Variants in ST8SIA6 observed in about 807,000 individuals in gnomAD.
ST8SIA6 encodes the protein alpha-2,8-sialyltransferase 8F.
Under a neutral mutation model 33.6 loss-of-function variants are expected in ST8SIA6, and 39 were observed. The ratio of observed to expected loss-of-function variants is 1.16; its 90% confidence interval spans 0.90 to 1.52. The LOEUF is 1.52. Ranked by LOEUF, ST8SIA6 falls within the 40% of genes most tolerant of loss-of-function variation. The pLI, the probability that ST8SIA6 is intolerant of heterozygous loss-of-function variation, is 0.00. For missense variants in ST8SIA6, 441 were observed against 443.8 expected, an observed-to-expected ratio of 0.99 and a Z score of 0.06; for synonymous variants, 172 against 167.2, an observed-to-expected ratio of 1.03 and a Z score of -0.22.
At chr10:17,340,532 C>T (rs890057586) in intron 4 of ST8SIA6, among the ~76,000 whole-genome samples, 7 of 152,228 alleles carry the variant, frequency 4.6e-5, no homozygotes, top group African/African-American at 1.7e-4. Flanking sequence ...GTAGGAGCTT[C>T]CTGTGTCAGG....
chr10:17,365,930 C>T (rs1263316756), intron 3 of ST8SIA6, among the ~76,000 whole-genome samples: 1 of 152,094 alleles, frequency 6.6e-6, no homozygotes, highest in Non-Finnish European at 1.5e-5. Context: ...GAGTGATGTT[C>T]TGTGTAGATC....
chr10:17,405,975 G>A (rs1409270263), intron 2 of ST8SIA6, among the ~76,000 whole-genome samples: 1 of 151,774 alleles, frequency 6.6e-6, no homozygotes, highest in Non-Finnish European at 1.5e-5. Context: ...TCTCTTTGAT[G>A]AATTTGATGC....
At chr10:17,451,053 T>A (rs1852893705) in intron 2 of ST8SIA6, among the ~76,000 whole-genome samples, 1 of 152,204 alleles carries the variant, frequency 6.6e-6, no homozygotes, top group Non-Finnish European at 1.5e-5. Flanking sequence ...TTCATCTTGT[T>A]GCTTCGATTT....
At chr10:17,359,181 C>T (rs1003888585) in intron 4 of ST8SIA6, among the ~76,000 whole-genome samples, 4 of 152,102 alleles carry the variant, frequency 2.6e-5, no homozygotes, top group Non-Finnish European at 4.4e-5. Context: ...TACTTTAATA[C>T]GATGACATTT....
At chr10:17,336,391 T>C (rs1564406850) in intron 4 of ST8SIA6, among the ~76,000 whole-genome samples, 1 of 152,208 alleles carries the variant, frequency 6.6e-6, no homozygotes, top group South Asian at 2.1e-4. Context: ...ATTTGCCTTA[T>C]TGTGTATCTG....
chr10:17,432,945 G>A (rs1198386360), intron 2 of ST8SIA6, among the ~76,000 whole-genome samples: 1 of 152,102 alleles, frequency 6.6e-6, no homozygotes, highest in East Asian at 1.9e-4. Context: ...CAATTTCTAT[G>A]TGTCACTTCC....
At chr10:17,416,409 T>C (rs1200618488) in intron 2 of ST8SIA6, among the ~76,000 whole-genome samples, 2 of 152,196 alleles carry the variant, frequency 1.3e-5, no homozygotes, top group Non-Finnish European at 2.9e-5. Context: ...TTCTGACCTC[T>C]CCCTTGAGCT....
chr10:17,438,610 C>T (rs1451087493), intron 2 of ST8SIA6, among the ~76,000 whole-genome samples: 2 of 152,200 alleles, frequency 1.3e-5, no homozygotes, highest in Non-Finnish European at 2.9e-5. Context: ...AGTCCAAAGC[C>T]TTTCCCTTCC....
chr10:17,357,888 A>G (rs1209931837), intron 4 of ST8SIA6, among the ~76,000 whole-genome samples: 1 of 152,028 alleles, frequency 6.6e-6, no homozygotes. Context: ...TTTTTTGTCT[A>G]TTCTGCATAT....
intron 2 of ST8SIA6, among the ~76,000 whole-genome samples, chr10:17,391,662 C>G (rs1329847767): frequency 1.3e-5 from 2 of 152,112 alleles, no homozygotes; most frequent in Non-Finnish European, 2.9e-5. Flanking sequence ...TTTGATTATT[C>G]TGATAGCTGC....
At chr10:17,322,000 G>A (rs1052745994) in intron 7 of ST8SIA6, among the ~76,000 whole-genome samples, 7 of 151,984 alleles carry the variant, frequency 4.6e-5, no homozygotes, top group African/African-American at 1.7e-4. Context: ...CTACTTGTGA[G>A]GCTGAGGTGA....
intron 2 of ST8SIA6, among the ~76,000 whole-genome samples, chr10:17,439,273 T>C (rs981027436): frequency 1.0e-4 from 4 of 39,570 alleles, no homozygotes; most frequent in South Asian, 7.1e-4. Flanking sequence ...TTCCCTCTCT[T>C]TTTTTTTTTT....
chr10:17,410,412 A>C (rs1004252708), intron 2 of ST8SIA6: 1 of 152,262 alleles, frequency 6.6e-6, no homozygotes, highest in Non-Finnish European at 1.5e-5. Context: ...TTCAGTTAAC[A>C]GGAAGCACAC....
chr10:17,335,389 T>C (rs936558331), intron 4 of ST8SIA6, among the ~76,000 whole-genome samples: 6 of 152,196 alleles, frequency 3.9e-5, no homozygotes, highest in Non-Finnish European at 8.8e-5. Flanking sequence ...AATTTTGCCC[T>C]TTTGCAAAAA....
intron 3 of ST8SIA6, among the ~76,000 whole-genome samples, chr10:17,379,853 C>T (rs925690096): frequency 3.9e-5 from 6 of 152,154 alleles, no homozygotes; most frequent in Admixed American, 6.5e-5. Context: ...TCTAAATTAA[C>T]TGAGATCTGT....
chr10:17,397,238 T>TG (rs1030198259), intron 2 of ST8SIA6, among the ~76,000 whole-genome samples: 7 of 145,696 alleles, frequency 4.8e-5, no homozygotes, highest in East Asian at 2.0e-4. Flanking sequence ...TTTTTGTTTT[T>TG]TTTTTTTTTT....
At chr10:17,327,648 A>AC (rs750181125) in intron 5 of ST8SIA6, among the ~76,000 whole-genome samples, 2,856 of 152,172 alleles carry the variant, frequency 0.019, 31 homozygotes, top group African/African-American at 0.023. Context: ...TCACATCTGT[A>AC]ATCCCAGCAC....
Position 17,318,868 on chromosome 10 carries a change from G to A in ST8SIA6, c.*2010C>T, listed in dbSNP as rs1847852949. ...CATATTTTAGAAAGTTCTAAGTAAT[G>A]TTCTGTTTTGGAACAAAAGAACATT... On this transcript the variant is annotated 3_prime_UTR_variant, in exon 8 of 8. Coordinates refer to ENST00000377602, the MANE Select transcript of ST8SIA6 (RefSeq NM_001004470.3). 2.6e-6 allele frequency: 1 copy of A among 385,464 alleles called. No homozygotes were observed. Among genetic ancestry groups the A allele is most frequent in the African/African-American group, 2.1e-5 (1 of 47,272 alleles). The allele number at this position is 385,464 out of a possible 1,614,324, so 23.9% of individuals were successfully genotyped here. A position where few individuals can be genotyped will look rare whatever the true frequency, so the allele number is the denominator to read the frequency against.
chr10:17,394,652 C>A (rs1850738720), intron 2 of ST8SIA6, among the ~76,000 whole-genome samples: 1 of 152,082 alleles, frequency 6.6e-6, no homozygotes, highest in Non-Finnish European at 1.5e-5. Flanking sequence ...TCAGAGTTTT[C>A]TTCCTTTTTT....
Sources: allele counts gnomAD v4.1 joint callset (sites outside exome capture counted in the v4.1 genomes callset), GRCh38; gene constraint gnomAD v4.1.1; transcripts MANE v1.5; gene names NCBI Gene and HGNC (gene_info 2026-07-23, HGNC 2026-07-21).